The following PPT1 variants were observed in gnomAD, a reference collection of about 807,000 sequenced individuals.
The protein encoded by PPT1 is palmitoyl-protein thioesterase 1.
A neutral mutation model predicts 44.0 loss-of-function variants in PPT1; 24 were observed. The observed-to-expected ratio is 0.54, with a 90% CI of 0.39 to 0.77. PPT1 has a LOEUF of 0.77. Among genes scored for constraint, PPT1 ranks in the 30% least tolerant of loss-of-function variants. The pLI is 0.00. For synonymous variants in PPT1, 148 were observed against 140.2 expected (o/e 1.06, Z -0.39); for missense variants, 341 against 378.8 (o/e 0.90, Z 0.83).
chr1:40,090,517 G>A (rs1649510165), intron 4 of PPT1, among the ~76,000 whole-genome samples: 3 of 152,104 alleles, frequency 2.0e-5, no homozygotes, highest in Admixed American at 1.3e-4. Flanking sequence ...ATGAATGCAA[G>A]AACCTTGTCT....
At position 40,073,926 on chromosome 1, in the gene PPT1, G is replaced by A. The variant is rs1241410984; in HGVS notation, c.*135C>T. On this transcript the variant is annotated 3_prime_UTR_variant, in exon 9 of 9. Coordinates refer to ENST00000642050, the MANE Select transcript of PPT1 (RefSeq NM_000310.4). ...AGATTCAGATCTTAGATCTTTCCAAGTAGGGCATGTTAGATGATAGAAGGA... is the reference window on the plus strand; with the variant it reads ...AGATTCAGATCTTAGATCTTTCCAAATAGGGCATGTTAGATGATAGAAGGA... 4.2e-6 allele frequency: 5 copies of A among 1,184,274 alleles called. No homozygotes were observed. In the South Asian group the frequency reaches 5.0e-5, roughly 12 times the overall value. The allele number at this position is 1,184,274 out of a possible 1,614,324, so 73.4% of individuals were successfully genotyped here.
chr1:40,082,622 G>A (rs1176455790), intron 5 of PPT1, among the ~76,000 whole-genome samples: 2 of 152,316 alleles, frequency 1.3e-5, no homozygotes, highest in Non-Finnish European at 2.9e-5. Context: ...AATGAAGGCT[G>A]AGAGAGGTGA....
intron 3 of PPT1, 30 bp from the exon 4 acceptor site, chr1:40,091,429 A>C: frequency 6.4e-7 from 1 of 1,563,416 alleles, no homozygotes; most frequent in Non-Finnish European, 8.8e-7. Context: ...TTTAGCTCCG[A>C]CTGTCAGATG....
chr1:40,072,812 T>C lies in PPT1; in HGVS notation c.*1249A>G, dbSNP rs1648301639. On this transcript the variant is annotated 3_prime_UTR_variant, in exon 9 of 9. Transcript: ENST00000642050. ...TCATCTTTTAGTTGAAGAATAAGGC[T>C]TAAGAGAGAGAAAGGAAAAACCATA... 1 of 152,142 alleles carries C rather than the reference T, an allele frequency of 6.6e-6. No individual in the cohort carries two copies. Among genetic ancestry groups the C allele is most frequent in the Admixed American group, 6.6e-5 (1 of 15,262 alleles). 9.4% of individuals were successfully genotyped at this position (152,142 alleles called of 1,614,324 possible). A position where few individuals can be genotyped will look rare whatever the true frequency, so the allele number is the denominator to read the frequency against.
At chr1:40,092,249 A>G (rs970806082) in intron 2 of PPT1, 77 bp from the exon 3 acceptor site, 10 of 1,595,306 alleles carry the variant, frequency 6.3e-6, no homozygotes, top group Non-Finnish European at 6.9e-6. Flanking sequence ...AGGTAAACTC[A>G]TTTAGGTTGG....
chr1:40,072,200 T>C, downstream of PPT1: 1 of 397,182 alleles, frequency 2.5e-6, no homozygotes, highest in Non-Finnish European at 4.4e-6. Context: ...TTGGACCCTT[T>C]CTTTCTCTGG....
chr1:40,086,102 A>G (rs1387664781), intron 5 of PPT1, among the ~76,000 whole-genome samples: 1 of 152,200 alleles, frequency 6.6e-6, no homozygotes, highest in Non-Finnish European at 1.5e-5. Context: ...GGGGAAGGCA[A>G]GTTGCTATGA....
At chr1:40,075,544 C>G (rs1648573138) in intron 8 of PPT1, among the ~76,000 whole-genome samples, 1 of 150,992 alleles carries the variant, frequency 6.6e-6, no homozygotes. Flanking sequence ...AGTTGAGGCA[C>G]CCAGTGCAAA....
intron 5 of PPT1, among the ~76,000 whole-genome samples, 160 bp downstream of exon 5, chr1:40,089,250 C>T (rs931858238): frequency 8.7e-6 from 1 of 115,480 alleles, no homozygotes; most frequent in Non-Finnish European, 1.7e-5. Context: ...CACGCCACTG[C>T]CCTCCAGCCT....
intron 1 of PPT1, among the ~76,000 whole-genome samples, chr1:40,096,322 CA>C (rs1233100827): frequency 6.6e-6 from 1 of 152,062 alleles, no homozygotes; most frequent in African/African-American, 2.4e-5. Flanking sequence ...GAGTAGGTTC[CA>C]AAAGAACAAA....
chr1:40,076,744 T>C (rs1469889774), intron 8 of PPT1, 98 bp downstream of exon 8: 1 of 1,603,556 alleles, frequency 6.2e-7, no homozygotes, highest in Non-Finnish European at 8.5e-7. Flanking sequence ...TGCTCTGAGG[T>C]GTAAAGGAAA....
At chr1:40,091,046 C>A (rs1021804611) in intron 4 of PPT1, among the ~76,000 whole-genome samples, 2 of 152,202 alleles carry the variant, frequency 1.3e-5, no homozygotes, top group African/African-American at 4.8e-5. Context: ...TTTCCTAACT[C>A]CTCAACCACC....
chr1:40,073,934 T>G lies in PPT1; in HGVS notation c.*127A>C. The G allele has an allele frequency of 8.1e-7, 1 of 1,233,750 alleles. No homozygotes were observed. The highest frequency in any genetic ancestry group is 1.2e-6 in the Non-Finnish European group (1 of 848,140). 76.4% of individuals were successfully genotyped at this position (1,233,750 alleles called of 1,614,324 possible). On this transcript the variant is annotated 3_prime_UTR_variant, in exon 9 of 9. Coordinates refer to ENST00000642050, the MANE Select transcript of PPT1 (RefSeq NM_000310.4). ...ATCTTAGATCTTTCCAAGTAGGGCA[T>G]GTTAGATGATAGAAGGATTAGTTGC...
At chr1:40,076,468 G>GAA in intron 8 of PPT1, 2 of 460,710 alleles carry the variant, frequency 4.3e-6, no homozygotes, top group African/African-American at 2.1e-5. Flanking sequence ...CCGTCTCAAA[G>GAA]AAAAAAAAAG....
intron 5 of PPT1, among the ~76,000 whole-genome samples, chr1:40,080,898 G>A (rs1421855343): frequency 2.6e-5 from 4 of 152,042 alleles, no homozygotes; most frequent in African/African-American, 9.7e-5. Context: ...AAAGGCCAAA[G>A]CCCTCAAGTC....
At chr1:40,081,693 TCCATTATAAA>T (rs1312560700) in intron 5 of PPT1, among the ~76,000 whole-genome samples, 1 of 152,174 alleles carries the variant, frequency 6.6e-6, no homozygotes. Context: ...GAACTGTAAG[TCCATTATAAA>T]CCTCTATTTG....
At chr1:40,095,073 T>A (rs180763992) in intron 1 of PPT1, among the ~76,000 whole-genome samples, 5 of 152,382 alleles carry the variant, frequency 3.3e-5, no homozygotes, top group Admixed American at 2.6e-4. Flanking sequence ...AGATTAATCA[T>A]CTTTATATTG....
intron 6 of PPT1, 77 bp from the exon 7 acceptor site, chr1:40,078,735 G>T (rs1648765355): frequency 3.2e-6 from 4 of 1,245,538 alleles, no homozygotes; most frequent in Admixed American, 1.8e-5. Flanking sequence ...CCTGTTTTCT[G>T]GTCTCCCTGA....
rs764051026 is a variant in PPT1 at position 40,076,900 on chromosome 1, T to C, written c.740A>G (p.Tyr247Cys). Residue 247 changes from tyrosine (Y) to cysteine (C), a missense_variant, in exon 8 of 9, where the codon TAC becomes TGC. Coordinates refer to ENST00000642050, the MANE Select transcript of PPT1 (RefSeq NM_000310.4). ...GGTTTCCTTGGCTTGGCCACTTCTGTAAAATCCAAACCACTGCAGAAGAAG... is the reference window on the plus strand; with the variant it reads ...GGTTTCCTTGGCTTGGCCACTTCTGCAAAATCCAAACCACTGCAGAAGAAG... Reference protein sequence around the residue: ...DPVDSEWFGFYRSGQAKETIP... With the variant: ...DPVDSEWFGFCRSGQAKETIP... The C allele has an allele frequency of 6.2e-6, 10 of 1,614,114 alleles. No individual in the cohort carries two copies. Among genetic ancestry groups the C allele is most frequent in the Admixed American group, 1.7e-5 (1 of 60,024 alleles).
Sources: allele counts gnomAD v4.1 joint callset (sites outside exome capture counted in the v4.1 genomes callset), GRCh38; gene constraint gnomAD v4.1.1; transcripts MANE v1.5; gene names NCBI Gene and HGNC (gene_info 2026-07-23, HGNC 2026-07-21).